Variants in TLK2 observed in about 807,000 individuals in gnomAD.
TLK2 encodes serine/threonine-protein kinase tousled-like 2.
A neutral mutation model predicts 117.3 loss-of-function variants in TLK2; 6 were observed. The observed-to-expected ratio is 0.05, with a 90% CI of 0.03 to 0.10. The LOEUF (loss-of-function observed/expected upper bound fraction) is 0.10. TLK2 is among the 10% of genes least tolerant of loss of function. TLK2 has a pLI of 1.00. For synonymous variants in TLK2, 257 were observed against 316.7 expected (o/e 0.81, Z 2.00); for missense variants, 299 against 901.2 (o/e 0.33, Z 8.56).
chr17:62,495,830 T>C (rs1435228423), intron 2 of TLK2, among the ~76,000 whole-genome samples: 1 of 151,450 alleles, frequency 6.6e-6, no homozygotes, highest in Admixed American at 6.6e-5. Flanking sequence ...AGCTAATTTT[T>C]TTTTTTGTTT....
At chr17:62,551,157 G>A (rs368456373) in intron 7 of TLK2, among the ~76,000 whole-genome samples, 9 of 152,296 alleles carry the variant, frequency 5.9e-5, no homozygotes, top group East Asian at 5.8e-4. Flanking sequence ...GACAATGACA[G>A]TGAAACATTT....
intron 16 of TLK2, among the ~76,000 whole-genome samples, chr17:62,590,599 G>A (rs1008799122): frequency 2.0e-5 from 3 of 152,096 alleles, no homozygotes; most frequent in Non-Finnish European, 2.9e-5. Flanking sequence ...TGGACATAGC[G>A]ATTAACCCTC....
chr17:62,574,446 T>A, intron 12 of TLK2: 2 of 926,710 alleles, frequency 2.2e-6, no homozygotes, highest in Non-Finnish European at 3.4e-6. Context: ...ATAATTACAT[T>A]AAGTATAGCG....
intron 14 of TLK2, 122 bp downstream of exon 14, chr17:62,578,696 G>A (rs1238252435): frequency 4.2e-6 from 3 of 721,700 alleles, no homozygotes; most frequent in Non-Finnish European, 6.8e-6. Flanking sequence ...GGTGTATTTA[G>A]CTCTTTTGTA....
intron 2 of TLK2, among the ~76,000 whole-genome samples, chr17:62,497,303 A>C (rs372472775): frequency 1.8e-4 from 27 of 152,282 alleles, no homozygotes; most frequent in African/African-American, 6.3e-4. Flanking sequence ...AAAATAGGTT[A>C]AAGAAACCAC....
intron 10 of TLK2, among the ~76,000 whole-genome samples, chr17:62,564,427 T>G (rs2146427430): frequency 6.6e-6 from 1 of 151,608 alleles, no homozygotes; most frequent in East Asian, 2.0e-4. Flanking sequence ...TCCCAGCTAC[T>G]TGGGAGGCTG....
intron 1 of TLK2, among the ~76,000 whole-genome samples, chr17:62,471,710 G>A (rs1291654403): frequency 6.6e-6 from 1 of 151,884 alleles, no homozygotes; most frequent in Non-Finnish European, 1.5e-5. Flanking sequence ...ACTTCCCTGT[G>A]CTCTAGGTTG....
upstream of TLK2, among the ~76,000 whole-genome samples, chr17:62,475,097 C>T (rs2144198943): frequency 6.6e-6 from 1 of 152,164 alleles, no homozygotes; most frequent in Admixed American, 6.6e-5. Context: ...AAACGTTTTT[C>T]CATTTTGTTA....
At chr17:62,558,473 A>T (rs1345480288) in intron 9 of TLK2, among the ~76,000 whole-genome samples, 1 of 152,208 alleles carries the variant, frequency 6.6e-6, no homozygotes, top group Non-Finnish European at 1.5e-5. Flanking sequence ...GCCAGCTGTT[A>T]CTTTAAACAT....
intron 17 of TLK2, among the ~76,000 whole-genome samples, chr17:62,599,135 C>CA (rs1242833695): frequency 6.6e-6 from 1 of 152,138 alleles, no homozygotes; most frequent in Non-Finnish European, 1.5e-5. Context: ...TTAGTAGAGA[C>CA]AGAGTTTCAC....
intron 2 of TLK2, among the ~76,000 whole-genome samples, chr17:62,494,063 G>A (rs2073394985): frequency 6.6e-6 from 1 of 152,076 alleles, no homozygotes; most frequent in African/African-American, 2.4e-5. Flanking sequence ...CAGATTTGCT[G>A]TACTAGAATT....
chr17:62,508,489 T>A (rs1432598596), intron 2 of TLK2: 4 of 983,850 alleles, frequency 4.1e-6, no homozygotes, highest in Non-Finnish European at 4.8e-6. Flanking sequence ...TGGGAAATAA[T>A]CAAGAGTTGG....
chr17:62,479,758 A>C (rs1258739259), intron 1 of TLK2, among the ~76,000 whole-genome samples: 2 of 152,094 alleles, frequency 1.3e-5, no homozygotes, highest in African/African-American at 4.8e-5. Flanking sequence ...TTTCCTTAAC[A>C]TGAGTTGACA....
chr17:62,507,940 A>G (rs1324295444), intron 2 of TLK2, among the ~76,000 whole-genome samples: 1 of 152,072 alleles, frequency 6.6e-6, no homozygotes, highest in African/African-American at 2.4e-5. Flanking sequence ...TTTAAAAACA[A>G]GAAACTTGAC....
At chr17:62,516,678 A>C (rs1313243991) in intron 2 of TLK2, 11 of 1,609,428 alleles carry the variant, frequency 6.8e-6, no homozygotes, top group Non-Finnish European at 9.3e-6. Context: ...CCGGGTGCTT[A>C]GGCATGTGGA....
intron 2 of TLK2, among the ~76,000 whole-genome samples, chr17:62,506,708 A>G (rs1205667173): frequency 6.6e-6 from 1 of 151,994 alleles, no homozygotes; most frequent in African/African-American, 2.4e-5. Flanking sequence ...AATGTGCTCC[A>G]GGATTTTGTA....
At chr17:62,473,738 G>A (rs1375485612) in intron 1 of TLK2, among the ~76,000 whole-genome samples, 1 of 152,288 alleles carries the variant, frequency 6.6e-6, no homozygotes, top group South Asian at 2.1e-4. Flanking sequence ...AAGTTTTATT[G>A]GAACACAGCC....
At chr17:62,482,539 T>TC (rs1262738199) in intron 2 of TLK2, among the ~76,000 whole-genome samples, 4 of 150,648 alleles carry the variant, frequency 2.7e-5, no homozygotes, top group Non-Finnish European at 5.9e-5. Context: ...AACCTCTGCC[T>TC]CCTGGGTTCA....
In TLK2 at chr17:62,564,938, T is replaced by A. The variant is rs895144149; in HGVS notation, c.832-63T>A. 7 of 1,541,680 alleles carry A rather than the reference T, an allele frequency of 4.5e-6. No individual in the cohort carries two copies. The African/African-American group carries it at 9.7e-5, about 21-fold the overall frequency. The stretch of plus-strand genomic sequence containing the variant: ...TGATAATGTTAAATGTTTTAGTTTC[T>A]AAGAAGTGTCTTTATCCATGCTAAT... On this transcript the variant is annotated intron_variant, in intron 10 of 21. Transcript: ENST00000346027.
Sources: gnomAD v4.1 joint callset for allele counts (sites outside exome capture counted in the v4.1 genomes callset) on GRCh38, gnomAD v4.1.1 for gene constraint, MANE v1.5 for transcripts, NCBI Gene and HGNC (gene_info 2026-07-23, HGNC 2026-07-21) for gene names.